The following PKNOX2 variants were observed in gnomAD, a reference collection of about 807,000 sequenced individuals.
PKNOX2 encodes the protein PBX/knotted 1 homeobox 2.
Under a neutral mutation model 53.1 loss-of-function variants are expected in PKNOX2, and 14 were observed. That is an observed-to-expected ratio of 0.26 (90% CI 0.17 to 0.41). The LOEUF is 0.41. Ranked by LOEUF, PKNOX2 falls within the 10% of genes least tolerant of loss-of-function variation. The pLI, the probability that PKNOX2 is intolerant of heterozygous loss-of-function variation, is 1.00. For synonymous variants in PKNOX2, 257 were observed against 242.8 expected, an observed-to-expected ratio of 1.06 and a Z score of -0.54; for missense variants, 496 against 602.8, an observed-to-expected ratio of 0.82 and a Z score of 1.85.
rs56021315 is a variant in PKNOX2 at position 125,195,883 on chromosome 11, G to GCACACACACACACA, written c.-201+31134_-201+31147dup. Among the ~76,000 whole-genome samples, 37 of 143,916 alleles carry GCACACACACACACA rather than the reference G, an allele frequency of 2.6e-4. 1 individual carries two copies. In the South Asian group the frequency reaches 3.4e-3, roughly 13 times the overall value. The allele number at this position is 143,916 out of a possible 152,430, so 94.4% of individuals were successfully genotyped here. A position where few individuals can be genotyped will look rare whatever the true frequency, so the allele number is the denominator to read the frequency against. On this transcript the variant is annotated intron_variant, in intron 1 of 12. Transcript: ENST00000298282. The stretch of plus-strand genomic sequence containing the variant: ...ATTCTCTCCCAAGGAATATGTACAT[G>GCACACACACACACA]CACACACACACACACACACACACAC...
chr11:125,419,269 T>A (rs1025231872), intron 10 of PKNOX2, among the ~76,000 whole-genome samples: 2 of 151,684 alleles, frequency 1.3e-5, no homozygotes, highest in Admixed American at 6.6e-5. Flanking sequence ...TAGGTTGTTG[T>A]GAGAATAGAA....
intron 1 of PKNOX2, among the ~76,000 whole-genome samples, chr11:125,205,490 T>G (rs1938985443): frequency 6.6e-6 from 1 of 152,246 alleles, no homozygotes; most frequent in African/African-American, 2.4e-5. Flanking sequence ...TGTTTCTGAA[T>G]TCATAATTGT....
At chr11:125,337,174 G>A (rs759796002) in intron 3 of PKNOX2, among the ~76,000 whole-genome samples, 7 of 152,228 alleles carry the variant, frequency 4.6e-5, no homozygotes, top group Non-Finnish European at 1.0e-4. Flanking sequence ...CTGTGGGCAT[G>A]GCAATATATT....
At chr11:125,412,661 G>A (rs1404596431) in intron 10 of PKNOX2, among the ~76,000 whole-genome samples, 1 of 152,154 alleles carries the variant, frequency 6.6e-6, no homozygotes, top group Non-Finnish European at 1.5e-5. Flanking sequence ...TTCTGGGGTG[G>A]GGAGGTAGAT....
At chr11:125,365,363 A>G (rs553999447) in intron 4 of PKNOX2, among the ~76,000 whole-genome samples, 1 of 148,672 alleles carries the variant, frequency 6.7e-6, no homozygotes, top group East Asian at 2.0e-4. Context: ...TTTAGGTTGG[A>G]TTTTTTTTTT....
chr11:125,416,520 T>A (rs996864834), intron 10 of PKNOX2, among the ~76,000 whole-genome samples: 10 of 151,984 alleles, frequency 6.6e-5, no homozygotes. Flanking sequence ...GCACTCATAT[T>A]TCATTGGTTT....
At chr11:125,180,116 C>T (rs547261112) in intron 1 of PKNOX2, among the ~76,000 whole-genome samples, 18 of 152,300 alleles carry the variant, frequency 1.2e-4, no homozygotes, top group South Asian at 6.2e-4. Context: ...TCCTTCTGCC[C>T]GGAACATCGT....
At chr11:125,372,678 C>T (rs74845224) in intron 5 of PKNOX2, among the ~76,000 whole-genome samples, 1,730 of 152,336 alleles carry the variant, frequency 0.011, 32 homozygotes, top group African/African-American at 0.038. Flanking sequence ...GGCTTTCAAG[C>T]CTTTCCTGGT....
intron 1 of PKNOX2, among the ~76,000 whole-genome samples, chr11:125,207,126 G>A (rs559300924): frequency 1.3e-5 from 2 of 152,018 alleles, no homozygotes; most frequent in South Asian, 4.2e-4. Context: ...TAGGGGGGTG[G>A]TGGTTCAACA....
intron 4 of PKNOX2, among the ~76,000 whole-genome samples, chr11:125,356,875 A>C (rs1282793175): frequency 1.3e-5 from 2 of 152,248 alleles, no homozygotes; most frequent in Admixed American, 6.5e-5. Flanking sequence ...TCCAGGCCAC[A>C]CAGCTGTGAC....
intron 3 of PKNOX2, among the ~76,000 whole-genome samples, chr11:125,343,639 C>T (rs573000698): frequency 2.0e-3 from 307 of 152,274 alleles, no homozygotes; most frequent in Non-Finnish European, 2.9e-3. Flanking sequence ...TTGCCGCTAT[C>T]AGGGGGAATT....
intron 3 of PKNOX2, among the ~76,000 whole-genome samples, chr11:125,339,733 T>G (rs918460732): frequency 2.6e-5 from 4 of 152,208 alleles, no homozygotes; most frequent in Non-Finnish European, 5.9e-5. Context: ...AAGAGCAGGG[T>G]GAGGCACAGA....
chr11:125,397,992 A>G lies in PKNOX2; in HGVS notation c.518A>G (p.Asp173Gly), dbSNP rs1271408290. 1 of 1,614,182 alleles carries G rather than the reference A, an allele frequency of 6.2e-7. No homozygotes were observed. The highest frequency in any genetic ancestry group is 8.5e-7 in the Non-Finnish European group (1 of 1,180,020). The change falls in exon 7 of 13, where the codon GAC becomes GGC. Residue 173 changes from aspartate to glycine, a missense_variant. Coordinates refer to ENST00000298282, the MANE Select transcript of PKNOX2 (RefSeq NM_001382323.2). ...ITCLKTKMHSDNLLRNDLGGP... is the reference protein window; with the variant it reads ...ITCLKTKMHSGNLLRNDLGGP... ...TGCCTCAAAACCAAGATGCACAGCGACAACCTGCTCAGGAATGATCTAGGG... is the reference window on the plus strand; with the variant it reads ...TGCCTCAAAACCAAGATGCACAGCGGCAACCTGCTCAGGAATGATCTAGGG...
At chr11:125,269,118 T>C (rs917368437) in intron 2 of PKNOX2, among the ~76,000 whole-genome samples, 1 of 152,198 alleles carries the variant, frequency 6.6e-6, no homozygotes, top group East Asian at 1.9e-4. Context: ...ATCTGAAAAA[T>C]AAAGAAAGTG....
chr11:125,375,516 G>T (rs372447833), intron 5 of PKNOX2, among the ~76,000 whole-genome samples: 1 of 152,226 alleles, frequency 6.6e-6, no homozygotes, highest in South Asian at 2.1e-4. Context: ...TCTCAACTCA[G>T]TTACTGCATA....
Position 125,261,768 on chromosome 11 carries a change from G to A in PKNOX2, c.-130+26653G>A, listed in dbSNP as rs1047306102. 5.9e-5 allele frequency among the ~76,000 whole-genome samples: 9 copies of A among 152,186 alleles called. 1 individual carries two copies. The highest frequency in any genetic ancestry group is 2.2e-4 in the African/African-American group (9 of 41,446). On this transcript the variant is annotated intron_variant, in intron 2 of 12. Coordinates refer to ENST00000298282, the MANE Select transcript of PKNOX2 (RefSeq NM_001382323.2). ...GGAGCAGAGCATCAGCTCCAATGCC[G>A]CTCTTTCCGATCTGCAAACACAATA...
intron 1 of PKNOX2, among the ~76,000 whole-genome samples, chr11:125,209,514 GAAAGAAGAGGAAGGTT>G (rs1939566819): frequency 1.3e-5 from 2 of 151,994 alleles, no homozygotes; most frequent in Non-Finnish European, 2.9e-5. Flanking sequence ...GGGGTAGTAG[GAAAGAAGAGGAAGGTT>G]AAAGACATAG....
chr11:125,410,715 C>T, intron 8 of PKNOX2, 64 bp from the exon 9 acceptor site: 4 of 1,272,294 alleles, frequency 3.1e-6, no homozygotes, highest in Non-Finnish European at 4.6e-6. Flanking sequence ...AACTGGGAAC[C>T]CTGCTTGCCC....
intron 1 of PKNOX2, among the ~76,000 whole-genome samples, chr11:125,170,029 A>G (rs1271044096): frequency 1.3e-5 from 2 of 152,108 alleles, no homozygotes; most frequent in Non-Finnish European, 2.9e-5. Context: ...TCTTTATTCC[A>G]CTGGGAAGGC....
Sources: gnomAD v4.1 joint callset for allele counts (sites outside exome capture counted in the v4.1 genomes callset) on GRCh38, gnomAD v4.1.1 for gene constraint, MANE v1.5 for transcripts, NCBI Gene and HGNC (gene_info 2026-07-23, HGNC 2026-07-21) for gene names.